Variants in SLC39A9 observed in about 807,000 individuals in gnomAD.
SLC39A9 encodes solute carrier family 39 member 9, also known as zinc transporter ZIP9.
In SLC39A9, 14 loss-of-function variants were observed where a neutral mutation model predicts 28.4. The ratio of observed to expected loss-of-function variants is 0.49; its 90% CI spans 0.33 to 0.77. The LOEUF is 0.77. Among genes scored for constraint, SLC39A9 ranks in the 30% least tolerant of loss-of-function variants. The pLI is 0.02. For synonymous variants in SLC39A9, 119 were observed against 149.6 expected, an observed-to-expected ratio of 0.80 and a Z score of 1.49; for missense variants, 283 against 381.1, an observed-to-expected ratio of 0.74 and a Z score of 2.14.
chr14:69,432,687 C>G (rs960129046), intron 2 of SLC39A9, among the ~76,000 whole-genome samples: 1 of 152,152 alleles, frequency 6.6e-6, no homozygotes, highest in African/African-American at 2.4e-5. Flanking sequence ...TGAGGTCTTA[C>G]ATTTAAATCT....
chr14:69,445,501 T>C (rs1327323388), intron 3 of SLC39A9, among the ~76,000 whole-genome samples: 1 of 152,254 alleles, frequency 6.6e-6, no homozygotes, highest in Non-Finnish European at 1.5e-5. Flanking sequence ...TAATCGACTT[T>C]GTTATCATTA....
chr14:69,433,745 TTCTC>T (rs1243872911), intron 2 of SLC39A9, among the ~76,000 whole-genome samples: 3 of 148,994 alleles, frequency 2.0e-5, no homozygotes, highest in Non-Finnish European at 4.5e-5. Context: ...GATTTGAGGT[TTCTC>T]TTCTCTTCTC....
chr14:69,455,683 G>A (rs1318254022), intron 5 of SLC39A9, 49 bp from the exon 6 acceptor site: 11 of 1,607,804 alleles, frequency 6.8e-6, no homozygotes, highest in Admixed American at 3.4e-5. Flanking sequence ...TGATGTAGAA[G>A]CAACCCATAC....
chr14:69,442,548 C>T (rs1233314043), intron 3 of SLC39A9, among the ~76,000 whole-genome samples: 1 of 152,130 alleles, frequency 6.6e-6, no homozygotes, highest in African/African-American at 2.4e-5. Context: ...GCTGTGGAGC[C>T]CTTAGGCAGT....
intron 1 of SLC39A9, among the ~76,000 whole-genome samples, chr14:69,406,162 T>C (rs991951266): frequency 2.6e-5 from 4 of 152,244 alleles, no homozygotes; most frequent in African/African-American, 9.6e-5. Context: ...TTCCACAGTA[T>C]ATCTCATGCT....
At chr14:69,453,563 G>A (rs149089692) in intron 4 of SLC39A9, among the ~76,000 whole-genome samples, 1 of 152,152 alleles carries the variant, frequency 6.6e-6, no homozygotes, top group East Asian at 1.9e-4. Flanking sequence ...TAGCACATGA[G>A]AATTATATAA....
At chr14:69,428,445 A>C (rs1190681045) in intron 2 of SLC39A9, 1 of 152,410 alleles carries the variant, frequency 6.6e-6, no homozygotes, top group Non-Finnish European at 1.5e-5. Flanking sequence ...TGCCCTAACT[A>C]AAGAAGACCA....
In SLC39A9 at chr14:69,461,432, A is replaced by AT. The variant is rs1375613598; in HGVS notation, c.*2841dup. Reference sequence around the variant, plus strand: ...ATTGCCAAATTTTTTTTTAGCAAAGATTCTGCACTGGAACGTAGACAGTTG... The same window carrying AT: ...ATTGCCAAATTTTTTTTTAGCAAAGATTTCTGCACTGGAACGTAGACAGTTG... On this transcript the variant is annotated 3_prime_UTR_variant, in exon 7 of 7. Transcript: ENST00000336643. 1 of 1,292,500 alleles carries AT rather than the reference A, an allele frequency of 7.7e-7. No homozygotes were observed. Among genetic ancestry groups the AT allele is most frequent in the Non-Finnish European group, 9.9e-7 (1 of 1,013,426 alleles). The allele number at this position is 1,292,500 out of a possible 1,614,324, so 80.1% of individuals were successfully genotyped here.
rs530640210 is a variant in SLC39A9, at chr14:69,423,755, A to G, written c.97-339A>G. On this transcript the variant is annotated intron_variant, in intron 1 of 6. Coordinates refer to ENST00000336643, the MANE Select transcript of SLC39A9 (RefSeq NM_018375.5). ...TCTACTGAAAATACAAAAATTAGCCAGATGTGGTGGTGCACGCCTGTAATC... is the reference window on the plus strand; with the variant it reads ...TCTACTGAAAATACAAAAATTAGCCGGATGTGGTGGTGCACGCCTGTAATC... Among the ~76,000 whole-genome samples the G allele has an allele frequency of 2.6e-5, 4 of 152,078 alleles. No homozygotes were observed. In the East Asian group the frequency reaches 5.8e-4, roughly 22 times the overall value.
chr14:69,460,735 T>TC lies in SLC39A9; in HGVS notation c.*2146dup. 1 of 985,474 alleles carries TC rather than the reference T, an allele frequency of 1.0e-6. No individual in the cohort carries two copies. The highest frequency in any genetic ancestry group is 1.7e-5 in the African/African-American group (1 of 57,364). 61.0% of individuals were successfully genotyped at this position (985,474 alleles called of 1,614,324 possible). On this transcript the variant is annotated 3_prime_UTR_variant, in exon 7 of 7. Coordinates refer to ENST00000336643, the MANE Select transcript of SLC39A9 (RefSeq NM_018375.5). ...AACCATCTGACTTCCAAATTTGCCT[T>TC]CCCCTCTGGACCTCACTATTAACAA... is the stretch of plus-strand genomic sequence containing the variant.
intron 1 of SLC39A9, among the ~76,000 whole-genome samples, chr14:69,410,100 C>T (rs922461799): frequency 4.6e-5 from 7 of 152,004 alleles, no homozygotes; most frequent in East Asian, 3.9e-4. Flanking sequence ...AACAATCTTA[C>T]GGGATTTATA....
Position 69,460,290 on chromosome 14 carries a change from A to G in SLC39A9, c.*1697A>G. 1 of 985,822 alleles carries G rather than the reference A, an allele frequency of 1.0e-6. No individual in the cohort carries two copies. The highest frequency in any genetic ancestry group is 1.2e-6 in the Non-Finnish European group (1 of 829,952). 61.1% of individuals were successfully genotyped at this position (985,822 alleles called of 1,614,324 possible). On this transcript the variant is annotated 3_prime_UTR_variant, in exon 7 of 7. Transcript: ENST00000336643. ...TCACTGGATCAGCAGCTGTGGAAAT[A>G]AAGCTTGTGAGCCCTCTGCTGGCCA... is the stretch of plus-strand genomic sequence containing the variant.
chr14:69,404,888 A>C (rs1204102031), intron 1 of SLC39A9, among the ~76,000 whole-genome samples: 2 of 152,198 alleles, frequency 1.3e-5, no homozygotes, highest in Non-Finnish European at 2.9e-5. Flanking sequence ...TAATAAAGAC[A>C]TTTCTGAGAC....
chr14:69,432,274 T>C (rs1456526077), intron 2 of SLC39A9, among the ~76,000 whole-genome samples: 1 of 152,180 alleles, frequency 6.6e-6, no homozygotes, highest in Non-Finnish European at 1.5e-5. Context: ...TAAGATGATA[T>C]CTTATTTTGG....
At position 69,453,522 on chromosome 14, in the gene SLC39A9, T is replaced by TA. The variant is rs760553500; in HGVS notation, c.472+224dup. ...ATGGTTTCTATACTTTTTAATGGTT[T>TA]AAAAAAAAAAAGAGAGAGAGGAACA... On this transcript the variant is annotated intron_variant, in intron 4 of 6. Transcript: ENST00000336643. 6.4e-3 allele frequency among the ~76,000 whole-genome samples: 941 copies of TA among 146,322 alleles called. 7 individuals are homozygous for TA. Among genetic ancestry groups the TA allele is most frequent in the African/African-American group, 0.022 (875 of 39,978 alleles).
rs192390993 is a variant in SLC39A9, at chr14:69,459,865, T to A, written c.*1272T>A. 414 of 984,820 alleles carry A rather than the reference T, an allele frequency of 4.2e-4. 1 individual carries two copies. In the East Asian group the frequency reaches 0.01, roughly 25 times the overall value. The allele number at this position is 984,820 out of a possible 1,614,324, so 61.0% of individuals were successfully genotyped here. A position where few individuals can be genotyped will look rare whatever the true frequency, so the allele number is the denominator to read the frequency against. On this transcript the variant is annotated 3_prime_UTR_variant, in exon 7 of 7. Transcript: ENST00000336643. ...AGGACAACCACTTCTCGAACTGTAATAATGAAGATAATAATATCTTTATTC... is the reference window on the plus strand; with the variant it reads ...AGGACAACCACTTCTCGAACTGTAAAAATGAAGATAATAATATCTTTATTC...
chr14:69,437,162 C>T (rs1332272689), intron 2 of SLC39A9, among the ~76,000 whole-genome samples: 2 of 152,166 alleles, frequency 1.3e-5, no homozygotes, highest in Admixed American at 6.5e-5. Context: ...CCACCGCGCC[C>T]GGCCTGGGAT....
At chr14:69,425,453 C>T (rs1388055380) in intron 2 of SLC39A9, among the ~76,000 whole-genome samples, 1 of 152,090 alleles carries the variant, frequency 6.6e-6, no homozygotes, top group African/African-American at 2.4e-5. Context: ...GGAAGAGGCA[C>T]ATTTTAAAAG....
At chr14:69,430,455 C>T (rs1411294031) in intron 2 of SLC39A9, among the ~76,000 whole-genome samples, 1 of 151,996 alleles carries the variant, frequency 6.6e-6, no homozygotes, top group Non-Finnish European at 1.5e-5. Context: ...ATTATCTTTG[C>T]ACTTTTGTCA....
Sources: gnomAD v4.1 joint callset for allele counts (sites outside exome capture counted in the v4.1 genomes callset) on GRCh38, gnomAD v4.1.1 for gene constraint, MANE v1.5 for transcripts, NCBI Gene and HGNC (gene_info 2026-07-23, HGNC 2026-07-21) for gene names.